H2BC5: variants seen among roughly 807,000 people sequenced by gnomAD.
H2BC5 encodes H2B clustered histone 5, also known as histone H2B type 1-D.
H2BC5 carries 9 observed loss-of-function variants against 5.7 expected under a neutral mutation model. The ratio of observed to expected loss-of-function variants is 1.57; its 90% CI spans 0.95 to 2.74. The LOEUF is 2.74. Among genes scored for constraint, H2BC5 ranks in the 30% most tolerant of loss-of-function variants. The probability of loss-of-function intolerance (pLI) is 0.00; values close to 1 mark genes in which losing one functional copy is unlikely to be tolerated. For synonymous variants in H2BC5, 133 were observed against 70.9 expected (o/e 1.88, Z -4.40); for missense variants, 175 against 168.8 (o/e 1.04, Z -0.20).
At chr6:26,170,573 G>A (rs1339359520) in intron 1 of H2BC5, among the ~76,000 whole-genome samples, 1 of 152,232 alleles carries the variant, frequency 6.6e-6, no homozygotes. Flanking sequence ...GATAGTTCAT[G>A]TAAAGCTCTT....
rs766586530 is a variant in H2BC5 at position 26,158,236 on chromosome 6, CAGA to C, written c.73_75del (p.Lys25del). The stretch of plus-strand genomic sequence containing the variant: ...CTCCAAGAAGGCGGTGACTAAGGCT[CAGA>C]AGAAGGACGGGAAGAAGCGCAAGCG... On this transcript the variant is annotated inframe_deletion, in exon 1 of 1. Coordinates refer to ENST00000377777, the MANE Select transcript of H2BC5 (RefSeq NM_021063.4). The C allele has an allele frequency of 7.4e-6, 12 of 1,614,258 alleles. No individual in the cohort carries two copies. The highest frequency in any genetic ancestry group is 4.0e-5 in the African/African-American group (3 of 75,064).
intron 1 of H2BC5, among the ~76,000 whole-genome samples, chr6:26,167,630 C>A (rs932271400): frequency 2.0e-5 from 3 of 151,502 alleles, no homozygotes; most frequent in Non-Finnish European, 4.4e-5. Context: ...TTGTTTTTTT[C>A]AAAAAAGGCT....
chr6:26,159,243 G>GTTT (rs35999697), downstream of H2BC5, among the ~76,000 whole-genome samples: 1,263 of 61,452 alleles, frequency 0.021, 182 homozygotes, highest in Middle Eastern at 0.043. Context: ...TAATTTATAG[G>GTTT]TTTTTTTTTT....
chr6:26,164,137 G>T, intron 1 of H2BC5: 1 of 448,456 alleles, frequency 2.2e-6, no homozygotes, highest in Non-Finnish European at 4.5e-6. Flanking sequence ...ATCCCCCCGT[G>T]GGTGAGGAGG....
At chr6:26,165,677 T>A (rs1764410810) in intron 1 of H2BC5, among the ~76,000 whole-genome samples, 2 of 152,084 alleles carry the variant, frequency 1.3e-5, no homozygotes, top group Non-Finnish European at 2.9e-5. Context: ...ACCTGAAAGA[T>A]CTCTGAGACG....
At chr6:26,159,744 T>A (rs1764322455), downstream of H2BC5, among the ~76,000 whole-genome samples, 1 of 152,202 alleles carries the variant, frequency 6.6e-6, no homozygotes, top group African/African-American at 2.4e-5. Flanking sequence ...CCTCATGCCC[T>A]CATAAACAAA....
intron 1 of H2BC5, among the ~76,000 whole-genome samples, chr6:26,170,360 C>A (rs1764499337): frequency 6.6e-6 from 1 of 152,118 alleles, no homozygotes; most frequent in Non-Finnish European, 1.5e-5. Flanking sequence ...AGGCACATGG[C>A]AGACTCTCAA....
chr6:26,170,852 G>C (rs1226566420), intron 1 of H2BC5: 1 of 152,218 alleles, frequency 6.6e-6, no homozygotes, highest in Non-Finnish European at 1.5e-5. Flanking sequence ...TAGAACTGAA[G>C]TAGAGATTCC....
At chr6:26,168,059 T>C (rs567647912) in intron 1 of H2BC5, among the ~76,000 whole-genome samples, 1 of 152,286 alleles carries the variant, frequency 6.6e-6, no homozygotes, top group Non-Finnish European at 1.5e-5. Context: ...AGGTATCTGC[T>C]TTCCAGGCCA....
Position 26,158,237 on chromosome 6 carries a change from A to C in H2BC5, c.68A>C (p.Gln23Pro). The C allele has an allele frequency of 2.5e-6, 4 of 1,614,250 alleles. No individual in the cohort carries two copies. The highest frequency in any genetic ancestry group is 3.4e-6 in the Non-Finnish European group (4 of 1,180,042). The change falls in exon 1 of 1, where the codon CAG becomes CCG. Residue 23 changes from glutamine to proline, a missense_variant. Gln to Pro is a moderately conservative substitution (Grantham distance 76, BLOSUM62 -1). This residue lies in a region of H2BC5 where 119 missense variants were observed against 85.6 expected (regional missense o/e 1.39). Coordinates refer to ENST00000377777, the MANE Select transcript of H2BC5 (RefSeq NM_021063.4). ...KGSKKAVTKA[Q>P]KKDGKKRKRS... The stretch of plus-strand genomic sequence containing the variant: ...TCCAAGAAGGCGGTGACTAAGGCTC[A>C]GAAGAAGGACGGGAAGAAGCGCAAG...
downstream of H2BC5, among the ~76,000 whole-genome samples, chr6:26,160,514 GAAAAAAAAAAAA>G (rs34183291): frequency 1.8e-5 from 1 of 55,166 alleles, no homozygotes; most frequent in Non-Finnish European, 3.3e-5. Flanking sequence ...TCCTGTCTCT[GAAAAAAAAAAAA>G]AAAAAAAAAA....
At chr6:26,159,572 G>A (rs967780927), downstream of H2BC5, among the ~76,000 whole-genome samples, 2 of 152,114 alleles carry the variant, frequency 1.3e-5, no homozygotes, top group Non-Finnish European at 2.9e-5. Context: ...AGTCGGGAGG[G>A]AACTAGGAGG....
chr6:26,164,425 C>A, intron 1 of H2BC5: 1 of 197,758 alleles, frequency 5.1e-6, no homozygotes, highest in Non-Finnish European at 1.1e-5. Flanking sequence ...GGACAGGGAA[C>A]AAAAAAGGAC....
Position 26,158,160 on chromosome 6 carries a change from T to G in H2BC5, c.-10T>G. 6.2e-7 allele frequency: 1 copy of G among 1,611,052 alleles called. No homozygotes were observed. Among genetic ancestry groups the G allele is most frequent in the Non-Finnish European group, 8.5e-7 (1 of 1,178,938 alleles). On this transcript the variant is annotated 5_prime_UTR_variant, in exon 1 of 1. In the 5' UTR this introduces an upstream ATG that the reference lacks. Transcript: ENST00000377777. ...GTGTTTGCAACAGTGTTCTAACTAT[T>G]AACGCTACGATGCCTGAACCTACCA... is the stretch of plus-strand genomic sequence containing the variant.
At chr6:26,167,909 T>C (rs1403923200) in intron 1 of H2BC5, among the ~76,000 whole-genome samples, 1 of 151,776 alleles carries the variant, frequency 6.6e-6, no homozygotes, top group Admixed American at 6.6e-5. Flanking sequence ...TTTTTTATTA[T>C]TATACTTTAA....
chr6:26,158,437 A>G lies in H2BC5; in HGVS notation c.268A>G (p.Ile90Val), dbSNP rs1405227181. ...RLAHYNKRST[I>V]TSREIQTAVR... ...GGCGCATTACAACAAGCGCTCGACC[A>G]TCACCTCCAGGGAGATCCAGACGGC... The change falls in exon 1 of 1, where the codon ATC becomes GTC. Residue 90 changes from isoleucine (I) to valine (V), a missense_variant. Transcript: ENST00000377777. The G allele has an allele frequency of 1.2e-6, 2 of 1,614,256 alleles. No homozygotes were observed. The highest frequency in any genetic ancestry group is 1.6e-4 in the Middle Eastern group (1 of 6,062).
In H2BC5 at chr6:26,158,315, T is replaced by A; in HGVS notation, c.146T>A (p.Val49Asp). 1 of 1,614,256 alleles carries A rather than the reference T, an allele frequency of 6.2e-7. No individual in the cohort carries two copies. Reference sequence around the variant, plus strand: ...TATGTGTACAAGGTGCTGAAGCAGGTCCATCCCGACACCGGCATCTCTTCC... The same window carrying A: ...TATGTGTACAAGGTGCTGAAGCAGGACCATCCCGACACCGGCATCTCTTCC... ...SVYVYKVLKQ[V>D]HPDTGISSKA... Residue 49 changes from valine (V) to aspartate (D), a missense_variant, in exon 1 of 1, where the codon GTC becomes GAC. Around this residue, in one of 4 missense-constraint regions of H2BC5, gnomAD observed 119 missense variants for 85.6 expected, o/e 1.39. Coordinates refer to ENST00000377777, the MANE Select transcript of H2BC5 (RefSeq NM_021063.4).
At chr6:26,161,752 A>G (rs1367294667), downstream of H2BC5, among the ~76,000 whole-genome samples, 1 of 152,138 alleles carries the variant, frequency 6.6e-6, no homozygotes, top group Non-Finnish European at 1.5e-5. Flanking sequence ...AGCCTGGGCA[A>G]TGAGAGTGAG....
At chr6:26,166,251 T>C (rs1764421750) in intron 1 of H2BC5, among the ~76,000 whole-genome samples, 1 of 152,330 alleles carries the variant, frequency 6.6e-6, no homozygotes, top group East Asian at 1.9e-4. Context: ...TTCCTTGCCT[T>C]TGACCTCCCA....
Sources: allele counts gnomAD v4.1 joint callset (sites outside exome capture counted in the v4.1 genomes callset), GRCh38; gene constraint gnomAD v4.1.1; regional missense constraint gnomAD v4.1.1; transcripts MANE v1.5; gene names NCBI Gene and HGNC (gene_info 2026-07-23, HGNC 2026-07-21).